PLEKHB1: variants seen among roughly 807,000 people sequenced by gnomAD.
The protein encoded by PLEKHB1 is pleckstrin homology domain-containing family B member 1.
Under a neutral mutation model 36.2 loss-of-function variants are expected in PLEKHB1, and 29 were observed. The ratio of observed to expected loss-of-function variants is 0.80; its 90% CI spans 0.60 to 1.09. The LOEUF is 1.09. PLEKHB1 is among the 50% of genes least tolerant of loss of function. PLEKHB1 has a pLI of 0.00. For missense variants in PLEKHB1, 330 were observed against 348.2 expected (o/e 0.95, Z 0.42); for synonymous variants, 138 against 140.0 (o/e 0.99, Z 0.10).
intron 3 of PLEKHB1, chr11:73,651,353 C>CAAAA (rs35147175): frequency 2.8e-5 from 10 of 360,348 alleles, no homozygotes; most frequent in South Asian, 5.5e-5. Context: ...GACCCTGTCT[C>CAAAA]AAAAAAAAAA....
rs1944905442 is a variant in PLEKHB1 at position 73,651,888 on chromosome 11, C to T, written c.348C>T (p.Ala116=). 2 of 1,612,880 alleles carry T rather than the reference C, an allele frequency of 1.2e-6. No homozygotes were observed. The highest frequency in any genetic ancestry group is 1.7e-6 in the Non-Finnish European group (2 of 1,179,630). The part of the protein sequence containing the change: ...LHLCAETKDD[A]LAWKTALLEA... Reference sequence around the variant, plus strand: ...TCTGTGCGGAGACCAAGGATGATGCCCTGTGAGTCACTCCCAGGAGAGGAT... The same window carrying T: ...TCTGTGCGGAGACCAAGGATGATGCTCTGTGAGTCACTCCCAGGAGAGGAT... The change falls in exon 4 of 8, where the codon GCC becomes GCT. Residue 116 remains alanine, a splice_region_variant and synonymous_variant. Coordinates refer to ENST00000354190, the MANE Select transcript of PLEKHB1 (RefSeq NM_021200.3).
intron 3 of PLEKHB1, 44 bp from the exon 4 acceptor site, chr11:73,651,744 G>C: frequency 3.3e-6 from 5 of 1,511,320 alleles, no homozygotes; most frequent in Non-Finnish European, 4.6e-6. Context: ...GGGGGACCTG[G>C]GGCTTGTGCC....
rs577434497 is a variant in PLEKHB1, at chr11:73,661,654, T to G, written c.*52T>G. 3 of 1,524,054 alleles carry G rather than the reference T, an allele frequency of 2.0e-6. No individual in the cohort carries two copies. The African/African-American group carries it at 4.1e-5, about 21-fold the overall frequency. The allele number at this position is 1,524,054 out of a possible 1,614,324, so 94.4% of individuals were successfully genotyped here. ...TGCGCTTGGATTGCTAGACTCCTCTTCCTCCTGGACCCCATCCTCTACCAT... is the reference window on the plus strand; with the variant it reads ...TGCGCTTGGATTGCTAGACTCCTCTGCCTCCTGGACCCCATCCTCTACCAT... On this transcript the variant is annotated 3_prime_UTR_variant, in exon 8 of 8. Coordinates refer to ENST00000354190, the MANE Select transcript of PLEKHB1 (RefSeq NM_021200.3). This position sits in a 1 kb window ranked among gnomAD's most constrained non-coding sequence, Gnocchi z 4.6.
intron 5 of PLEKHB1, chr11:73,653,353 T>C (rs1247608474): frequency 1.8e-6 from 1 of 566,440 alleles, no homozygotes. Flanking sequence ...GTTGGGGTTA[T>C]TGTTCTCTCT....
Position 73,661,545 on chromosome 11 carries a change from G to A in PLEKHB1, c.675G>A (p.Ala225=). ...CCCCTCTGGCCATGGGCATGCTTGC[G>A]GGAGCCGCCACTGGGGCGGCGCTGG... ...AGAPLAMGML[A]GAATGAALGS... The change falls in exon 8 of 8, where the codon GCG becomes GCA. Residue 225 remains alanine, a synonymous_variant. Coordinates refer to ENST00000354190, the MANE Select transcript of PLEKHB1 (RefSeq NM_021200.3). The surrounding 1 kb of genome is among the most constrained non-coding windows in gnomAD (Gnocchi z 4.6). 2.5e-6 allele frequency: 4 copies of A among 1,610,592 alleles called. No individual in the cohort carries two copies. The highest frequency in any genetic ancestry group is 3.4e-6 in the Non-Finnish European group (4 of 1,178,180).
intron 1 of PLEKHB1, 65 bp from the exon 2 acceptor site, chr11:73,648,947 G>C: frequency 6.5e-7 from 1 of 1,544,902 alleles, no homozygotes; most frequent in South Asian, 1.2e-5. Context: ...AGGGACGGCA[G>C]GGCTGGGGGC....
Position 73,661,320 on chromosome 11 carries a change from G to A in PLEKHB1, c.596-146G>A, listed in dbSNP as rs529844146. The A allele has an allele frequency of 1.1e-6, 1 of 901,732 alleles. No individual in the cohort carries two copies. Among genetic ancestry groups the A allele is most frequent in the African/African-American group, 1.7e-5 (1 of 59,114 alleles). 55.9% of individuals were successfully genotyped at this position (901,732 alleles called of 1,614,324 possible). ...GGAGCCGTAGGGTGGAGCTCTTCCC[G>A]CGTCTAGATCTGTTCTTTGACTGGG... is the stretch of plus-strand genomic sequence containing the variant. On this transcript the variant is annotated intron_variant, in intron 7 of 7. Coordinates refer to ENST00000354190, the MANE Select transcript of PLEKHB1 (RefSeq NM_021200.3). The surrounding 1 kb of genome is among the most constrained non-coding windows in gnomAD (Gnocchi z 4.6).
At chr11:73,650,735 C>T (rs757500804) in intron 3 of PLEKHB1, 30 bp downstream of exon 3, 6 of 1,569,184 alleles carry the variant, frequency 3.8e-6, no homozygotes, top group East Asian at 2.3e-5. Context: ...TCTGTGGCAC[C>T]GTGACTGTGG....
chr11:73,651,365 A>AG (rs956050771), intron 3 of PLEKHB1: 40 of 445,650 alleles, frequency 9.0e-5, no homozygotes, highest in East Asian at 1.4e-4. Flanking sequence ...AAAAAAAAAA[A>AG]AAAAAGAAAA....
At chr11:73,652,560 C>T (rs1284719347) in intron 4 of PLEKHB1, 1 of 168,448 alleles carries the variant, frequency 5.9e-6, no homozygotes, top group African/African-American at 2.4e-5. Context: ...CAACAAAGGC[C>T]CCATTGTCCC....
At position 73,661,812 on chromosome 11, in the gene PLEKHB1, C is replaced by A; in HGVS notation, c.*210C>A. On this transcript the variant is annotated 3_prime_UTR_variant, in exon 8 of 8. Coordinates refer to ENST00000354190, the MANE Select transcript of PLEKHB1 (RefSeq NM_021200.3). This position sits in a 1 kb window ranked among gnomAD's most constrained non-coding sequence, Gnocchi z 4.6. ...CACAGGTACAAACATCGCTTGAAGT[C>A]TTCACATCTACCACTAGACACCCCC... 1 of 589,190 alleles carries A rather than the reference C, an allele frequency of 1.7e-6. No individual in the cohort carries two copies. Among genetic ancestry groups the A allele is most frequent in the East Asian group, 3.2e-5 (1 of 30,798 alleles). 36.5% of individuals were successfully genotyped at this position (589,190 alleles called of 1,614,324 possible).
At position 73,661,565 on chromosome 11, in the gene PLEKHB1, C is replaced by T. The variant is rs764517074; in HGVS notation, c.695C>T (p.Ala232Val). 1.1e-5 allele frequency: 18 copies of T among 1,605,534 alleles called. No individual in the cohort carries two copies. The African/African-American group carries it at 1.2e-4, about 11-fold the overall frequency. The change falls in exon 8 of 8, where the codon GCG becomes GTG. Residue 232 changes from alanine to valine, a missense_variant. Physicochemically the swap from Ala to Val is moderately conservative, Grantham distance 64. Coordinates refer to ENST00000354190, the MANE Select transcript of PLEKHB1 (RefSeq NM_021200.3). The surrounding 1 kb of genome is among the most constrained non-coding windows in gnomAD (Gnocchi z 4.6). ...CTTGCGGGAGCCGCCACTGGGGCGG[C>T]GCTGGGCTCGCTCATGTGGTCGCCC... ...GMLAGAATGA[A>V]LGSLMWSPCW...
chr11:73,648,943 G>C (rs747439300), intron 1 of PLEKHB1, 69 bp from the exon 2 acceptor site: 3 of 1,536,028 alleles, frequency 2.0e-6, no homozygotes, highest in East Asian at 4.9e-5. Context: ...CCCCAGGGAC[G>C]GCAGGGCTGG....
Position 73,650,767 on chromosome 11 carries a change from G to A in PLEKHB1, c.247+62G>A, listed in dbSNP as rs563821159. The A allele has an allele frequency of 1.1e-5, 16 of 1,477,504 alleles. No homozygotes were observed. The East Asian group carries it at 1.2e-4, about 11-fold the overall frequency. 91.5% of individuals were successfully genotyped at this position (1,477,504 alleles called of 1,614,324 possible). A position where few individuals can be genotyped will look rare whatever the true frequency, so the allele number is the denominator to read the frequency against. On this transcript the variant is annotated intron_variant, in intron 3 of 7. Coordinates refer to ENST00000354190, the MANE Select transcript of PLEKHB1 (RefSeq NM_021200.3). ...GTGGGCAGAGCCTCCCGCTGTCTCCGAGAACACTTGCTGTTGGAAGTCTTT... is the reference window on the plus strand; with the variant it reads ...GTGGGCAGAGCCTCCCGCTGTCTCCAAGAACACTTGCTGTTGGAAGTCTTT...
rs1245186290 is a variant in PLEKHB1, at chr11:73,662,021, A to G, written c.*419A>G. 1 of 167,982 alleles carries G rather than the reference A, an allele frequency of 6.0e-6. No homozygotes were observed. The highest frequency in any genetic ancestry group is 1.3e-5 in the Non-Finnish European group (1 of 78,210). The allele number at this position is 167,982 out of a possible 1,614,324, so 10.4% of individuals were successfully genotyped here. ...ACAGGAGTAAACAAGGACTTGACAAAGCTGAAGAGTTATCAGTCCTTTGAC... is the reference window on the plus strand; with the variant it reads ...ACAGGAGTAAACAAGGACTTGACAAGGCTGAAGAGTTATCAGTCCTTTGAC... On this transcript the variant is annotated 3_prime_UTR_variant, in exon 8 of 8. Coordinates refer to ENST00000354190, the MANE Select transcript of PLEKHB1 (RefSeq NM_021200.3).
chr11:73,652,930 A>AC (rs1184596639), intron 4 of PLEKHB1, 45 bp from the exon 5 acceptor site: 1 of 1,556,494 alleles, frequency 6.4e-7, no homozygotes, highest in Non-Finnish European at 8.8e-7. Context: ...CAATTCACCC[A>AC]CCCCCAAACT....
intron 7 of PLEKHB1, 103 bp downstream of exon 7, chr11:73,660,955 C>T: frequency 4.6e-6 from 5 of 1,085,120 alleles, no homozygotes; most frequent in Middle Eastern, 2.7e-4. Context: ...ATCCTTTTAG[C>T]GTGCACGGAT....
rs1365076561 is a variant in PLEKHB1 at position 73,661,265 on chromosome 11, C to G, written c.596-201C>G. 6.6e-6 allele frequency among the ~76,000 whole-genome samples: 1 copy of G among 152,220 alleles called. No homozygotes were observed. The highest frequency in any genetic ancestry group is 1.5e-5 in the Non-Finnish European group (1 of 68,040). On this transcript the variant is annotated intron_variant, in intron 7 of 7. Coordinates refer to ENST00000354190, the MANE Select transcript of PLEKHB1 (RefSeq NM_021200.3). The surrounding 1 kb of genome is among the most constrained non-coding windows in gnomAD (Gnocchi z 4.6). ...GCCTGCCGTAGCGGACCCGTAGGTT[C>G]CGGGACATCCGTAGCCGATCCAAGG...
At chr11:73,647,938 T>A (rs1479579689) in intron 1 of PLEKHB1, 1 of 985,356 alleles carries the variant, frequency 1.0e-6, no homozygotes, top group Non-Finnish European at 1.2e-6. Context: ...CGCTGGCAAG[T>A]GAGTCGCCCT....
Sources: gnomAD v4.1 joint callset for allele counts (sites outside exome capture counted in the v4.1 genomes callset) on GRCh38, gnomAD v4.1.1 for gene constraint, Gnocchi (gnomAD v3.1) non-coding constraint, MANE v1.5 for transcripts, NCBI Gene and HGNC (gene_info 2026-07-23, HGNC 2026-07-21) for gene names.